DCC: variants seen among roughly 807,000 people sequenced by gnomAD.
DCC encodes netrin receptor DCC.
Under a neutral mutation model 172.5 loss-of-function variants are expected in DCC, and 58 were observed. The ratio of observed to expected loss-of-function variants is 0.34; its 90% confidence interval spans 0.27 to 0.42. The LOEUF (loss-of-function observed/expected upper bound fraction) is 0.42. Among genes scored for constraint, DCC ranks in the 10% least tolerant of loss-of-function variants. The pLI is 1.00. For synonymous variants in DCC, 709 were observed against 644.5 expected, an observed-to-expected ratio of 1.10 and a Z score of -1.52; for missense variants, 1,740 against 1,791.0, an observed-to-expected ratio of 0.97 and a Z score of 0.51.
rs944252671 is a variant in DCC, at chr18:52,849,708, G to C, written c.413-56336G>C. ...TTATAACATGATTATTTATTAGAAT[G>C]CTTCTTCATTTTTTAGCACAGAAAA... is the stretch of plus-strand genomic sequence containing the variant. On this transcript the variant is annotated intron_variant, in intron 2 of 28. Transcript: ENST00000442544. Among the ~76,000 whole-genome samples the C allele has an allele frequency of 3.9e-5, 6 of 152,212 alleles. No homozygotes were observed. In the South Asian group the frequency reaches 6.2e-4, roughly 16 times the overall value.
In DCC at chr18:53,374,289, C is replaced by A. The variant is rs962309627; in HGVS notation, c.2360-11754C>A. 2.6e-5 allele frequency among the ~76,000 whole-genome samples: 4 copies of A among 152,126 alleles called. No homozygotes were observed. The South Asian group carries it at 6.2e-4, about 24-fold the overall frequency. ...AAAACTTCATCATCACAGAAGGTAC[C>A]ATGGGGCAATGCTGTTTTATAGTAT... On this transcript the variant is annotated intron_variant, in intron 15 of 28. Transcript: ENST00000442544.
At chr18:53,132,585 G>A (rs571459213) in intron 7 of DCC, among the ~76,000 whole-genome samples, 14 of 152,208 alleles carry the variant, frequency 9.2e-5, no homozygotes, top group Admixed American at 7.9e-4. Context: ...TATTCATTTA[G>A]GCTGTCAAAT....
chr18:53,365,773 A>G (rs1399552496), intron 15 of DCC, among the ~76,000 whole-genome samples: 1 of 152,202 alleles, frequency 6.6e-6, no homozygotes, highest in Non-Finnish European at 1.5e-5. Context: ...GTGACATCAA[A>G]AAGGCTGAGA....
chr18:52,465,441 C>G (rs1223157422), intron 1 of DCC, among the ~76,000 whole-genome samples: 1 of 152,128 alleles, frequency 6.6e-6, no homozygotes, highest in Non-Finnish European at 1.5e-5. Flanking sequence ...AGCAAGTGTG[C>G]TCAGCTCACC....
At chr18:52,666,289 G>A (rs774517704) in intron 1 of DCC, among the ~76,000 whole-genome samples, 9 of 151,614 alleles carry the variant, frequency 5.9e-5, no homozygotes, top group Admixed American at 2.0e-4. Context: ...GTGAGACTCC[G>A]TTACAAAAAA....
chr18:53,386,872 T>C (rs761968138), intron 16 of DCC, among the ~76,000 whole-genome samples: 25 of 152,164 alleles, frequency 1.6e-4, no homozygotes, highest in Non-Finnish European at 3.2e-4. Flanking sequence ...CAAAATACAA[T>C]AAGCAACACA....
At chr18:53,214,986 C>A (rs114402142) in intron 11 of DCC, among the ~76,000 whole-genome samples, 4,732 of 152,222 alleles carry the variant, frequency 0.031, 261 homozygotes, top group African/African-American at 0.11. Context: ...ATTGACTCAT[C>A]AAGTGCTATT....
chr18:53,040,118 AGT>A (rs2042149020), intron 5 of DCC, among the ~76,000 whole-genome samples: 1 of 152,042 alleles, frequency 6.6e-6, no homozygotes. Flanking sequence ...GAAAAAGTCA[AGT>A]GTGAAAAATA....
chr18:52,991,120 C>G (rs2041382504), intron 5 of DCC, among the ~76,000 whole-genome samples: 1 of 152,156 alleles, frequency 6.6e-6, no homozygotes, highest in South Asian at 2.1e-4. Flanking sequence ...GTGGACCCAT[C>G]TCATTCATAA....
chr18:52,952,890 C>T (rs1443018000), intron 5 of DCC, among the ~76,000 whole-genome samples: 1 of 146,996 alleles, frequency 6.8e-6, no homozygotes, highest in African/African-American at 2.5e-5. Context: ...CCCAGCTACT[C>T]AAGAGGCTGA....
At chr18:53,003,897 A>G (rs1055880598) in intron 5 of DCC, among the ~76,000 whole-genome samples, 1 of 152,128 alleles carries the variant, frequency 6.6e-6, no homozygotes, top group Non-Finnish European at 1.5e-5. Flanking sequence ...TGTTTGTGAC[A>G]GTCAAAGGTC....
At chr18:53,434,438 G>C (rs2145116558) in intron 21 of DCC, among the ~76,000 whole-genome samples, 1 of 152,246 alleles carries the variant, frequency 6.6e-6, no homozygotes, top group Admixed American at 6.5e-5. Context: ...AATTTTGGAT[G>C]ATAGTATAAT....
At chr18:53,151,704 A>G (rs1165681092) in intron 7 of DCC, among the ~76,000 whole-genome samples, 1 of 152,162 alleles carries the variant, frequency 6.6e-6, no homozygotes, top group African/African-American at 2.4e-5. Context: ...CATCTCATTA[A>G]GATTAAAAAT....
rs1384714339 is a variant in DCC, at chr18:53,428,135, TATA to T, written c.3164-7002_3164-7000del. ...TAATAATATATAATATATAATATAA[TATA>T]ATAATATATAATATATAATATAATA... On this transcript the variant is annotated intron_variant, in intron 21 of 28. Transcript: ENST00000442544. Among the ~76,000 whole-genome samples the T allele has an allele frequency of 4.8e-5, 2 of 41,936 alleles. 1 individual carries two copies. The highest frequency in any genetic ancestry group is 9.9e-5 in the Non-Finnish European group (2 of 20,278). 27.5% of individuals were successfully genotyped at this position (41,936 alleles called of 152,430 possible).
At position 53,391,834 on chromosome 18, in the gene DCC, C is replaced by T. The variant is rs770131833; in HGVS notation, c.2635C>T (p.Arg879Ter). The T allele has an allele frequency of 6.2e-7, 1 of 1,613,712 alleles. No homozygotes were observed. The highest frequency in any genetic ancestry group is 1.7e-5 in the Admixed American group (1 of 60,018). Residue 879 changes from arginine to a stop codon, truncating the protein, a stop_gained, in exon 17 of 29, where the codon CGA becomes TGA. Coordinates refer to ENST00000442544, the MANE Select transcript of DCC (RefSeq NM_005215.4). LOFTEE classifies it high-confidence loss of function. ...VPKNQKTSEV[R>*]LYTVRWRTSF... ...TAAGAACCAAAAGACGTCTGAGGTG[C>T]GACTTTACACCGTCCGGTGGAGAAC...
At chr18:52,901,311 T>G (rs1267608034) in intron 2 of DCC, among the ~76,000 whole-genome samples, 1 of 152,070 alleles carries the variant, frequency 6.6e-6, no homozygotes, top group East Asian at 1.9e-4. Flanking sequence ...CATGCACCTG[T>G]GATCCTAGCT....
At chr18:53,302,531 A>G (rs1263603250) in intron 12 of DCC, among the ~76,000 whole-genome samples, 2 of 152,060 alleles carry the variant, frequency 1.3e-5, no homozygotes, top group Admixed American at 6.6e-5. Flanking sequence ...ATTGTCTTCA[A>G]CGCTGTTTGT....
intron 2 of DCC, among the ~76,000 whole-genome samples, chr18:52,811,342 A>C (rs2038194815): frequency 6.6e-6 from 1 of 152,196 alleles, no homozygotes; most frequent in Admixed American, 6.5e-5. Flanking sequence ...GACATTCATT[A>C]GTTTGTTGGG....
chr18:53,104,686 TC>T (rs1439420527), intron 7 of DCC, among the ~76,000 whole-genome samples: 1 of 152,084 alleles, frequency 6.6e-6, no homozygotes, highest in Non-Finnish European at 1.5e-5. Flanking sequence ...GTCTGGATTA[TC>T]TTTAAAGGTC....
Sources: gnomAD v4.1 joint callset for allele counts (sites outside exome capture counted in the v4.1 genomes callset) on GRCh38, gnomAD v4.1.1 for gene constraint, MANE v1.5 for transcripts, NCBI Gene and HGNC (gene_info 2026-07-23, HGNC 2026-07-21) for gene names.